Variants in MYO16 observed in about 807,000 individuals in gnomAD.
MYO16 encodes unconventional myosin-XVI.
A neutral mutation model predicts 205.3 loss-of-function variants in MYO16; 94 were observed. The observed-to-expected ratio is 0.46, with a 90% CI of 0.39 to 0.54. The LOEUF is 0.54. Ranked by LOEUF, MYO16 falls within the 20% of genes least tolerant of loss-of-function variation. The pLI is 0.00. For synonymous variants in MYO16, 988 were observed against 954.0 expected, an observed-to-expected ratio of 1.04 and a Z score of -0.66; for missense variants, 2,315 against 2,387.5, an observed-to-expected ratio of 0.97 and a Z score of 0.63.
At chr13:108,735,977 T>G (rs1440620605) in intron 4 of MYO16, among the ~76,000 whole-genome samples, 1 of 113,016 alleles carries the variant, frequency 8.8e-6, no homozygotes, top group Non-Finnish European at 2.0e-5. Context: ...TTTGCCCACT[T>G]TTTGATGGGG....
At chr13:108,886,423 C>T in intron 13 of MYO16, 1 of 456,178 alleles carries the variant, frequency 2.2e-6, no homozygotes, top group Non-Finnish European at 4.4e-6. Flanking sequence ...CAGGTTCTTG[C>T]CTCACGACCT....
intron 27 of MYO16, among the ~76,000 whole-genome samples, chr13:109,093,480 A>G (rs1888682615): frequency 6.6e-6 from 1 of 152,166 alleles, no homozygotes; most frequent in African/African-American, 2.4e-5. Context: ...CGTTTGGTCA[A>G]TGTCTCCTTC....
intron 34 of MYO16, among the ~76,000 whole-genome samples, chr13:109,198,055 A>G (rs765912260): frequency 6.6e-6 from 1 of 152,176 alleles, no homozygotes; most frequent in Non-Finnish European, 1.5e-5. Context: ...GCAATATCAC[A>G]TAGCTTTTCT....
chr13:108,717,936 A>C (rs1884012609), intron 3 of MYO16, among the ~76,000 whole-genome samples: 1 of 152,190 alleles, frequency 6.6e-6, no homozygotes, highest in African/African-American at 2.4e-5. Flanking sequence ...AACATATAAA[A>C]TTAGTTAAGA....
intron 23 of MYO16, among the ~76,000 whole-genome samples, chr13:109,037,804 G>T (rs1886763241): frequency 6.6e-6 from 1 of 152,168 alleles, no homozygotes; most frequent in East Asian, 1.9e-4. Context: ...AGGCCCTGGG[G>T]CTTGTTGAAG....
intron 34 of MYO16, among the ~76,000 whole-genome samples, chr13:109,181,816 A>ATTTTT (rs61381548): frequency 7.1e-5 from 9 of 126,258 alleles, no homozygotes; most frequent in African/African-American, 2.8e-4. Context: ...TTATTTATTT[A>ATTTTT]TTTTATTTTA....
intron 32 of MYO16, among the ~76,000 whole-genome samples, chr13:109,150,531 T>C (rs1166360754): frequency 6.6e-6 from 1 of 152,188 alleles, no homozygotes; most frequent in East Asian, 1.9e-4. Context: ...TACCTTAACA[T>C]ATTAGCTGTA....
At chr13:108,894,495 A>G (rs1880320834) in intron 14 of MYO16, among the ~76,000 whole-genome samples, 1 of 152,214 alleles carries the variant, frequency 6.6e-6, no homozygotes, top group Non-Finnish European at 1.5e-5. Context: ...CACAACACAC[A>G]GTACTCTCCC....
At chr13:109,070,486 T>C (rs1447632743) in intron 27 of MYO16, among the ~76,000 whole-genome samples, 1 of 152,216 alleles carries the variant, frequency 6.6e-6, no homozygotes, top group Non-Finnish European at 1.5e-5. Flanking sequence ...GACATATCAA[T>C]AGACCTAAAC....
chr13:108,779,641 G>A (rs1342376123), intron 4 of MYO16: 2 of 152,170 alleles, frequency 1.3e-5, no homozygotes, highest in Non-Finnish European at 2.9e-5. Context: ...AATATAAATG[G>A]GTGGGCCATT....
At chr13:109,053,254 A>G (rs1445347097) in intron 25 of MYO16, among the ~76,000 whole-genome samples, 4 of 152,150 alleles carry the variant, frequency 2.6e-5, no homozygotes, top group African/African-American at 9.7e-5. Context: ...ACCAATTAAA[A>G]TAAAAGCATA....
At chr13:108,915,548 A>G (rs1411577986) in intron 16 of MYO16, among the ~76,000 whole-genome samples, 2 of 152,062 alleles carry the variant, frequency 1.3e-5, no homozygotes, top group Non-Finnish European at 2.9e-5. Context: ...TACCCTTTGT[A>G]TATTATACAA....
intron 1 of MYO16, among the ~76,000 whole-genome samples, chr13:108,635,230 G>A (rs551092144): frequency 3.3e-5 from 5 of 152,242 alleles, no homozygotes; most frequent in South Asian, 4.1e-4. Flanking sequence ...CAAAGGACTC[G>A]CATCACTGCA....
intron 4 of MYO16, among the ~76,000 whole-genome samples, chr13:108,757,297 T>C (rs1885451481): frequency 6.6e-6 from 1 of 152,196 alleles, no homozygotes; most frequent in South Asian, 2.1e-4. Flanking sequence ...AGAGGAGCGC[T>C]TTGAAGTTTT....
intron 16 of MYO16, among the ~76,000 whole-genome samples, chr13:108,956,627 C>T (rs1883356235): frequency 2.0e-5 from 3 of 152,178 alleles, no homozygotes; most frequent in Admixed American, 6.5e-5. Context: ...ATATTTTCCC[C>T]GTATGCATCA....
the MYO16 span, among the ~76,000 whole-genome samples, chr13:108,544,705 T>G: frequency 6.6e-6 from 1 of 152,302 alleles, no homozygotes; most frequent in African/African-American, 2.4e-5. Context: ...TCTTTAAAAT[T>G]TTTGATACCC....
intron 2 of MYO16, among the ~76,000 whole-genome samples, chr13:108,668,122 G>T (rs1016875569): frequency 3.3e-5 from 5 of 152,132 alleles, no homozygotes; most frequent in Non-Finnish European, 7.4e-5. Flanking sequence ...TTAGGTTAGG[G>T]TTAAAAGAAA....
At chr13:108,795,258 C>T (rs1221812752) in intron 6 of MYO16, among the ~76,000 whole-genome samples, 1 of 150,956 alleles carries the variant, frequency 6.6e-6, no homozygotes, top group Non-Finnish European at 1.5e-5. Context: ...ATGGCATGGT[C>T]TTGGCTCACT....
intron 3 of MYO16, among the ~76,000 whole-genome samples, chr13:108,713,759 T>C (rs1236173433): frequency 2.0e-5 from 3 of 152,236 alleles, no homozygotes; most frequent in Admixed American, 6.5e-5. Context: ...AATATTGTGA[T>C]AGAAGACAGT....
Sources: allele counts gnomAD v4.1 joint callset (sites outside exome capture counted in the v4.1 genomes callset), GRCh38; gene constraint gnomAD v4.1.1; transcripts MANE v1.5; gene names NCBI Gene and HGNC (gene_info 2026-07-23, HGNC 2026-07-21).